COLQ: variants seen among roughly 807,000 people sequenced by gnomAD.
The protein encoded by COLQ is acetylcholinesterase collagenic tail peptide.
COLQ carries 48 observed loss-of-function variants against 69.0 expected under a neutral mutation model. The observed-to-expected ratio is 0.70, with a 90% confidence interval of 0.55 to 0.88. The LOEUF is 0.88. COLQ is among the 40% of genes least tolerant of loss of function. The pLI is 0.00. For synonymous variants in COLQ, 217 were observed against 211.2 expected (o/e 1.03, Z -0.24); for missense variants, 618 against 594.6 (o/e 1.04, Z -0.41).
chr3:15,455,061 C>T (rs769353807), intron 15 of COLQ, among the ~76,000 whole-genome samples: 5 of 152,182 alleles, frequency 3.3e-5, no homozygotes, highest in African/African-American at 4.8e-5. Context: ...GCTTAAACCA[C>T]AAGCCCTAAA....
rs2125103126 is a variant in COLQ, at chr3:15,466,216, T to C, written c.814+125A>G. On this transcript the variant is annotated intron_variant, in intron 12 of 16. Coordinates refer to ENST00000383788, the MANE Select transcript of COLQ (RefSeq NM_005677.4). ...AAATCGTGGAGAAATTACAAAGATA[T>C]TGGAGTGTCTCTGGTAGTTTCTAAC... 4 of 674,730 alleles carry C rather than the reference T, an allele frequency of 5.9e-6. No homozygotes were observed. In the South Asian group the frequency reaches 6.9e-5, roughly 12 times the overall value. The allele number at this position is 674,730 out of a possible 1,614,324, so 41.8% of individuals were successfully genotyped here. A position where few individuals can be genotyped will look rare whatever the true frequency, so the allele number is the denominator to read the frequency against.
intron 1 of COLQ, among the ~76,000 whole-genome samples, chr3:15,518,767 A>G (rs2063096398): frequency 6.6e-6 from 1 of 152,154 alleles, no homozygotes; most frequent in African/African-American, 2.4e-5. Flanking sequence ...CCTGTGTTTC[A>G]AAAGCAGGTG....
chr3:15,467,300 T>C (rs560695777), intron 11 of COLQ, among the ~76,000 whole-genome samples: 1 of 152,232 alleles, frequency 6.6e-6, no homozygotes, highest in Admixed American at 6.5e-5. Context: ...TGTCATTGCT[T>C]TGTACCTCAG....
At chr3:15,508,089 T>C (rs2125173640) in intron 1 of COLQ, among the ~76,000 whole-genome samples, 1 of 152,330 alleles carries the variant, frequency 6.6e-6, no homozygotes, top group East Asian at 1.9e-4. Flanking sequence ...TTTCTGGGTT[T>C]TTCCAAACAC....
At chr3:15,466,520 C>G in intron 11 of COLQ, 83 bp from the exon 12 acceptor site, 3 of 1,220,380 alleles carry the variant, frequency 2.5e-6, no homozygotes, top group Non-Finnish European at 1.2e-6. Flanking sequence ...TCAGAGATCA[C>G]CTTGCACTTA....
chr3:15,521,498 G>A, intron 1 of COLQ, 22 bp downstream of exon 1: 1 of 1,614,026 alleles, frequency 6.2e-7, no homozygotes, highest in Non-Finnish European at 8.5e-7. Flanking sequence ...TGGAAGAGAG[G>A]AAAGTTGTGG....
At chr3:15,477,382 T>A in intron 5 of COLQ, 185 bp from the exon 6 acceptor site, 1 of 608,478 alleles carries the variant, frequency 1.6e-6, no homozygotes, top group Non-Finnish European at 3.0e-6. Context: ...TATCATCAAA[T>A]AAGACCTTAT....
chr3:15,458,680 G>T lies in COLQ; in HGVS notation c.815-355C>A, dbSNP rs1203222182. Among the ~76,000 whole-genome samples the T allele has an allele frequency of 3.9e-5, 6 of 152,198 alleles. No homozygotes were observed. In the East Asian group the frequency reaches 1.2e-3, roughly 29 times the overall value. ...TGGGGCCCTGACAGTGACAGTCAGAGGCTGAATCAAAGCCAGCTACTGCCT... is the reference window on the plus strand; with the variant it reads ...TGGGGCCCTGACAGTGACAGTCAGATGCTGAATCAAAGCCAGCTACTGCCT... On this transcript the variant is annotated intron_variant, in intron 12 of 16. Transcript: ENST00000383788.
chr3:15,474,910 A>G lies in COLQ; in HGVS notation c.555+15T>C. On this transcript the variant is annotated intron_variant, in intron 8 of 16. Coordinates refer to ENST00000383788, the MANE Select transcript of COLQ (RefSeq NM_005677.4). ...CAGACCAGGCTCTAGGACACCATCCAAGAAAAGCACTAACCTTTTCCCCTC... is the reference window on the plus strand; with the variant it reads ...CAGACCAGGCTCTAGGACACCATCCGAGAAAAGCACTAACCTTTTCCCCTC... The G allele has an allele frequency of 6.2e-7, 1 of 1,614,046 alleles. No homozygotes were observed. Among genetic ancestry groups the G allele is most frequent in the Non-Finnish European group, 8.5e-7 (1 of 1,179,912 alleles).
At chr3:15,489,703 GC>G in intron 1 of COLQ, 66 bp from the exon 2 acceptor site, 1 of 1,434,366 alleles carries the variant, frequency 7.0e-7, no homozygotes, top group Non-Finnish European at 9.7e-7. Flanking sequence ...CACCCACCGT[GC>G]CCAGGGAAGA....
chr3:15,500,369 G>A (rs1316266641), intron 1 of COLQ, among the ~76,000 whole-genome samples: 1 of 152,136 alleles, frequency 6.6e-6, no homozygotes, highest in Non-Finnish European at 1.5e-5. Flanking sequence ...TATTCTTGCA[G>A]CTCTTCATTT....
rs539100854 is a variant in COLQ at position 15,455,933 on chromosome 3, G to A, written c.1161C>T (p.Asp387=). Residue 387 remains aspartate (D), a synonymous_variant, in exon 15 of 17, where the codon GAC becomes GAT. Transcript: ENST00000383788. The part of the protein sequence containing the change: ...DGLLQPGEEC[D]DGNSDVGDDC... ...CGTCACCCACATCGCTGTTACCGTC[G>A]TCACACTCCTCCCCAGGCTGCAGGA... 158 of 1,614,132 alleles carry A rather than the reference G, an allele frequency of 9.8e-5. No homozygotes were observed. Among genetic ancestry groups the A allele is most frequent in the Middle Eastern group, 1.6e-4 (1 of 6,062 alleles).
chr3:15,492,990 T>A (rs2062694671), intron 1 of COLQ, among the ~76,000 whole-genome samples: 2 of 152,158 alleles, frequency 1.3e-5, no homozygotes, highest in Non-Finnish European at 2.9e-5. Flanking sequence ...CAGCATCCAC[T>A]CCAGGTCATA....
intron 12 of COLQ, among the ~76,000 whole-genome samples, chr3:15,463,238 C>T (rs1008819302): frequency 2.0e-5 from 3 of 151,826 alleles, no homozygotes; most frequent in African/African-American, 7.3e-5. Context: ...GATCCCAGTC[C>T]GCTAAGGATC....
intron 1 of COLQ, among the ~76,000 whole-genome samples, chr3:15,495,702 G>C (rs1392998287): frequency 6.6e-6 from 1 of 152,116 alleles, no homozygotes; most frequent in Non-Finnish European, 1.5e-5. Context: ...CAGCTGTCAC[G>C]GGCTACTTTT....
chr3:15,457,699 G>A (rs1050192301), intron 13 of COLQ, among the ~76,000 whole-genome samples: 23 of 151,500 alleles, frequency 1.5e-4, no homozygotes, highest in East Asian at 7.7e-4. Context: ...TGCAATCTCC[G>A]CCTCCTGGGT....
rs2062426158 is a variant in COLQ at position 15,478,852 on chromosome 3, A to G, written c.393+125T>C. ...CTGTCACCATCGAGACAGCAGCACC[A>G]TCACTGTCCACCTGGGTATCAGTGA... On this transcript the variant is annotated intron_variant, in intron 5 of 16. Transcript: ENST00000383788. 4 of 1,144,096 alleles carry G rather than the reference A, an allele frequency of 3.5e-6. No individual in the cohort carries two copies. In the Admixed American group the frequency reaches 7.0e-5, roughly 20 times the overall value. 70.9% of individuals were successfully genotyped at this position (1,144,096 alleles called of 1,614,324 possible).
chr3:15,503,594 G>A (rs2062862236), intron 1 of COLQ, among the ~76,000 whole-genome samples: 1 of 152,104 alleles, frequency 6.6e-6, no homozygotes, highest in Admixed American at 6.6e-5. Flanking sequence ...CCAGTAGTGA[G>A]GTGCCAACAA....
At chr3:15,484,093 T>G (rs1438908180) in intron 3 of COLQ, among the ~76,000 whole-genome samples, 1 of 152,228 alleles carries the variant, frequency 6.6e-6, no homozygotes, top group Non-Finnish European at 1.5e-5. Flanking sequence ...CCCTTTATCT[T>G]GAGCCTATGT....
Sources: gnomAD v4.1 joint callset for allele counts (sites outside exome capture counted in the v4.1 genomes callset) on GRCh38, gnomAD v4.1.1 for gene constraint, MANE v1.5 for transcripts, NCBI Gene and HGNC (gene_info 2026-07-23, HGNC 2026-07-21) for gene names.